The following EYS variants were observed in gnomAD, a reference collection of about 807,000 sequenced individuals.
EYS encodes the protein protein eyes shut homolog.
EYS carries 250 observed loss-of-function variants against 282.1 expected under a neutral mutation model. That is an observed-to-expected ratio of 0.89 (90% confidence interval 0.80 to 0.98). The LOEUF (loss-of-function observed/expected upper bound fraction) is 0.98, where lower values mean the gene tolerates loss of function less well. Among genes scored for constraint, EYS ranks in the 50% least tolerant of loss-of-function variants. The pLI, the probability that EYS is intolerant of heterozygous loss-of-function variation, is 0.00. For synonymous variants in EYS, 1,355 were observed against 1,282.9 expected (o/e 1.06, Z -1.20); for missense variants, 4,016 against 3,709.0 (o/e 1.08, Z -2.15).
intron 37 of EYS, among the ~76,000 whole-genome samples, chr6:63,792,958 A>G (rs919601892): frequency 5.3e-5 from 8 of 152,234 alleles, no homozygotes; most frequent in Non-Finnish European, 1.2e-4. Context: ...GCTCTTTCAC[A>G]TGTAAGGCTT....
chr6:64,938,995 T>C (rs1038008139), intron 15 of EYS, among the ~76,000 whole-genome samples: 2 of 151,858 alleles, frequency 1.3e-5, no homozygotes, highest in Non-Finnish European at 3.0e-5. Context: ...GGTGTGTTAA[T>C]TATGTCTCAA....
intron 31 of EYS, among the ~76,000 whole-genome samples, chr6:64,128,741 T>C (rs1017215541): frequency 6.6e-6 from 1 of 152,224 alleles, no homozygotes; most frequent in Non-Finnish European, 1.5e-5. Context: ...ACAGTACTTA[T>C]TCATTCAAAA....
At chr6:64,228,977 A>G (rs1766333864) in intron 31 of EYS, among the ~76,000 whole-genome samples, 1 of 152,132 alleles carries the variant, frequency 6.6e-6, no homozygotes. Context: ...CACTAACATT[A>G]AAAAATTAAA....
intron 12 of EYS, among the ~76,000 whole-genome samples, chr6:65,069,636 G>T (rs1182803433): frequency 6.6e-6 from 1 of 151,684 alleles, no homozygotes; most frequent in African/African-American, 2.4e-5. Context: ...CTTAATTATT[G>T]ACATGCCTCA....
At chr6:64,340,249 A>T (rs917370131) in intron 29 of EYS, among the ~76,000 whole-genome samples, 2 of 151,730 alleles carry the variant, frequency 1.3e-5, no homozygotes, top group Admixed American at 6.6e-5. Flanking sequence ...ATCAAAAAAG[A>T]AGCCAAATAG....
intron 30 of EYS, among the ~76,000 whole-genome samples, chr6:64,296,212 T>C (rs1230138051): frequency 1.3e-5 from 2 of 152,150 alleles, no homozygotes; most frequent in African/African-American, 2.4e-5. Flanking sequence ...CTTTTCAAAA[T>C]ATGTATGTGT....
chr6:65,632,129 T>C (rs909755887), intron 2 of EYS, among the ~76,000 whole-genome samples: 1 of 151,996 alleles, frequency 6.6e-6, no homozygotes, highest in Non-Finnish European at 1.5e-5. Flanking sequence ...ATCCTGAAAG[T>C]TCTATGGACA....
intron 41 of EYS, among the ~76,000 whole-genome samples, chr6:63,738,368 A>C (rs1376838339): frequency 1.3e-5 from 2 of 152,116 alleles, no homozygotes; most frequent in African/African-American, 2.4e-5. Context: ...CTGGATTAAG[A>C]AAATGTGGCA....
At chr6:65,035,569 G>A (rs1772742031) in intron 13 of EYS, among the ~76,000 whole-genome samples, 1 of 151,968 alleles carries the variant, frequency 6.6e-6, no homozygotes, top group Non-Finnish European at 1.5e-5. Context: ...CATTAAGAAT[G>A]CAATTGGGTT....
At chr6:64,583,291 T>C (rs1766132803) in intron 26 of EYS, among the ~76,000 whole-genome samples, 1 of 151,940 alleles carries the variant, frequency 6.6e-6, no homozygotes, top group Non-Finnish European at 1.5e-5. Context: ...CCCTGGGACA[T>C]AAACATTATT....
intron 1 of EYS, among the ~76,000 whole-genome samples, chr6:65,668,465 C>G (rs1301533475): frequency 1.3e-5 from 2 of 151,776 alleles, no homozygotes; most frequent in African/African-American, 2.4e-5. Context: ...ACAGCCACAC[C>G]TATTTATTTA....
intron 12 of EYS, among the ~76,000 whole-genome samples, chr6:65,087,274 C>T (rs1368052670): frequency 6.6e-6 from 1 of 151,882 alleles, no homozygotes; most frequent in Non-Finnish European, 1.5e-5. Context: ...TGCAGATCAT[C>T]CTGAAAGCTT....
intron 30 of EYS, among the ~76,000 whole-genome samples, chr6:64,268,442 T>C (rs984265011): frequency 2.6e-5 from 4 of 152,060 alleles, no homozygotes; most frequent in African/African-American, 9.7e-5. Context: ...ATTAAAATGA[T>C]TTACATATAT....
chr6:63,800,013 C>G (rs1203279320), intron 37 of EYS, among the ~76,000 whole-genome samples: 1 of 152,170 alleles, frequency 6.6e-6, no homozygotes, highest in Non-Finnish European at 1.5e-5. Flanking sequence ...GAGAATGGAA[C>G]AGCAAATATC....
In EYS at chr6:64,591,148, T is replaced by A; in HGVS notation, c.4719A>T (p.Gln1573His). ...AGTGGGACTGTTTGCTATGCAAAACTTGATCTGAGAATTCACGAGAGGATT... is the reference window on the plus strand; with the variant it reads ...AGTGGGACTGTTTGCTATGCAAAACATGATCTGAGAATTCACGAGAGGATT... ...EIKSSREFSD[Q>H]VLHSKQSHFY... Residue 1573 changes from glutamine (Q) to histidine (H), a missense_variant, in exon 26 of 43, where the codon CAA (glutamine) becomes CAT (histidine). By Grantham distance (24) the Gln-to-His change is conservative. Transcript: ENST00000503581. 9 of 1,551,370 alleles carry A rather than the reference T, an allele frequency of 5.8e-6. No homozygotes were observed. Among genetic ancestry groups the A allele is most frequent in the Non-Finnish European group, 7.0e-6 (8 of 1,146,778 alleles).
At chr6:64,283,217 T>G (rs1768373469) in intron 30 of EYS, among the ~76,000 whole-genome samples, 1 of 152,140 alleles carries the variant, frequency 6.6e-6, no homozygotes, top group Non-Finnish European at 1.5e-5. Flanking sequence ...ATGATTCATA[T>G]TTTTTTAAAG....
At chr6:65,412,620 C>G (rs916134938) in intron 5 of EYS, among the ~76,000 whole-genome samples, 1 of 151,930 alleles carries the variant, frequency 6.6e-6, no homozygotes, top group Non-Finnish European at 1.5e-5. Context: ...TATTTGCTAT[C>G]CTTATAGCTT....
intron 2 of EYS, among the ~76,000 whole-genome samples, chr6:65,586,115 A>G (rs866274567): frequency 6.6e-6 from 1 of 152,086 alleles, no homozygotes; most frequent in Middle Eastern, 3.4e-3. Context: ...GAATGTCTGC[A>G]TTAGGAGAGG....
chr6:64,529,678 C>T (rs113907996), intron 26 of EYS, among the ~76,000 whole-genome samples: 32 of 151,984 alleles, frequency 2.1e-4, no homozygotes, highest in African/African-American at 7.2e-4. Flanking sequence ...GACTGTAAAA[C>T]ATTTAGAACA....
Sources: gnomAD v4.1 joint callset for allele counts (sites outside exome capture counted in the v4.1 genomes callset) on GRCh38, gnomAD v4.1.1 for gene constraint, MANE v1.5 for transcripts, NCBI Gene and HGNC (gene_info 2026-07-23, HGNC 2026-07-21) for gene names.